CPNE4: variants seen among roughly 807,000 people sequenced by gnomAD.
CPNE4 encodes the protein copine 4, also known as copine-4.
CPNE4 carries 25 observed loss-of-function variants against 67.9 expected under a neutral mutation model. The observed-to-expected ratio is 0.37, with a 90% CI of 0.27 to 0.51. The LOEUF (loss-of-function observed/expected upper bound fraction) is 0.51. Ranked by LOEUF, CPNE4 falls within the 20% of genes least tolerant of loss-of-function variation. CPNE4 has a pLI of 0.93. For missense variants in CPNE4, 464 were observed against 690.8 expected, an observed-to-expected ratio of 0.67 and a Z score of 3.68; for synonymous variants, 242 against 244.9, an observed-to-expected ratio of 0.99 and a Z score of 0.11.
chr3:131,934,103 G>A lies in CPNE4; in HGVS notation c.-1-28659C>T, dbSNP rs183027584. Among the ~76,000 whole-genome samples the A allele has an allele frequency of 5.8e-4, 88 of 152,178 alleles. 1 individual carries two copies. The highest frequency in any genetic ancestry group is 1.8e-3 in the African/African-American group (76 of 41,544). On this transcript the variant is annotated intron_variant, in intron 1 of 15. Coordinates refer to ENST00000429747, the MANE Select transcript of CPNE4 (RefSeq NM_130808.3). ...AGGCACTGCAAAGGAAGAGATTTAG[G>A]GTACAGAGATGGAAATCAAGAGTTC... is the stretch of plus-strand genomic sequence containing the variant.
At chr3:131,705,166 G>A (rs2081387930) in intron 3 of CPNE4, among the ~76,000 whole-genome samples, 1 of 151,750 alleles carries the variant, frequency 6.6e-6, no homozygotes, top group African/African-American at 2.4e-5. Flanking sequence ...TGAGAAGTTT[G>A]GAATCATTGC....
At position 131,808,973 on chromosome 3, in the gene CPNE4, G is replaced by T. The variant is rs539769968; in HGVS notation, c.181-85348C>A. On this transcript the variant is annotated intron_variant, in intron 2 of 15. Coordinates refer to ENST00000429747, the MANE Select transcript of CPNE4 (RefSeq NM_130808.3). Reference sequence around the variant, plus strand: ...GTATCTTTGGTAAAAGTAGCCTGTGGTTTTTCTAATGATACAGAACATCTC... The same window carrying T: ...GTATCTTTGGTAAAAGTAGCCTGTGTTTTTTCTAATGATACAGAACATCTC... 1.1e-3 allele frequency among the ~76,000 whole-genome samples: 173 copies of T among 152,262 alleles called. 3 individuals are homozygous for T. The highest frequency in any genetic ancestry group is 7.4e-5 in the Non-Finnish European group (5 of 67,996).
intron 10 of CPNE4, among the ~76,000 whole-genome samples, chr3:131,573,295 G>C (rs76535092): frequency 0.036 from 5,515 of 152,064 alleles, 297 homozygotes; most frequent in African/African-American, 0.12. Flanking sequence ...AGGTCTATCA[G>C]TTGACACTGG....
intron 2 of CPNE4, among the ~76,000 whole-genome samples, chr3:131,761,915 C>G (rs1347802684): frequency 6.6e-6 from 1 of 152,026 alleles, no homozygotes; most frequent in Non-Finnish European, 1.5e-5. Context: ...AATGAACAAT[C>G]AGGAGGCCTT....
chr3:131,854,110 T>C (rs1324952862), intron 2 of CPNE4, among the ~76,000 whole-genome samples: 1 of 151,900 alleles, frequency 6.6e-6, no homozygotes, highest in Non-Finnish European at 1.5e-5. Flanking sequence ...TTATTCACAA[T>C]AGCTAAAAAC....
chr3:131,705,525 G>A (rs2081395596), intron 3 of CPNE4, among the ~76,000 whole-genome samples: 1 of 152,166 alleles, frequency 6.6e-6, no homozygotes, highest in African/African-American at 2.4e-5. Context: ...AAAAGTTGTA[G>A]AAACTGAGGA....
At chr3:131,776,719 G>A (rs2083299939) in intron 2 of CPNE4, among the ~76,000 whole-genome samples, 1 of 152,070 alleles carries the variant, frequency 6.6e-6, no homozygotes, top group Admixed American at 6.6e-5. Flanking sequence ...CATCAAAAAT[G>A]GGGCTGCCTC....
At chr3:131,591,348 C>A (rs925130063) in intron 7 of CPNE4, among the ~76,000 whole-genome samples, 1 of 152,068 alleles carries the variant, frequency 6.6e-6, no homozygotes, top group Non-Finnish European at 1.5e-5. Flanking sequence ...GTGGGAGCAA[C>A]TTTTTTTTAA....
At chr3:131,910,557 G>C (rs894365058) in intron 1 of CPNE4, among the ~76,000 whole-genome samples, 92 of 152,276 alleles carry the variant, frequency 6.0e-4, no homozygotes, top group Non-Finnish European at 7.4e-5. Flanking sequence ...GATTCCATGG[G>C]GGCTCTGGGA....
rs533003709 is a variant in CPNE4 at position 131,835,327 on chromosome 3, G to A, written c.180+69937C>T. ...GCAGATCAGCTGAGGTCAGGAGTTT[G>A]AGACCATTCTGGCCAACGTGGTGAA... On this transcript the variant is annotated intron_variant, in intron 2 of 15. Coordinates refer to ENST00000429747, the MANE Select transcript of CPNE4 (RefSeq NM_130808.3). 1.1e-3 allele frequency among the ~76,000 whole-genome samples: 169 copies of A among 152,264 alleles called. 3 individuals are homozygous for A. The highest frequency in any genetic ancestry group is 1.5e-3 in the Non-Finnish European group (102 of 68,008).
chr3:131,891,430 T>A (rs917359069), intron 2 of CPNE4, among the ~76,000 whole-genome samples: 3 of 151,242 alleles, frequency 2.0e-5, no homozygotes, highest in Admixed American at 2.0e-4. Flanking sequence ...GTTTTTTTTT[T>A]AAACTTTTGA....
At chr3:131,585,287 G>A (rs1326663992) in intron 8 of CPNE4, among the ~76,000 whole-genome samples, 1 of 152,124 alleles carries the variant, frequency 6.6e-6, no homozygotes, top group Non-Finnish European at 1.5e-5. Context: ...GCTTCAGAAG[G>A]GCAGGGACCA....
chr3:131,601,979 C>A (rs575015148), intron 7 of CPNE4, among the ~76,000 whole-genome samples: 1 of 149,066 alleles, frequency 6.7e-6, no homozygotes, highest in Admixed American at 6.7e-5. Flanking sequence ...TGTTAAAACA[C>A]TAATTTGCAT....
At chr3:131,685,772 C>A in intron 6 of CPNE4, 103 bp downstream of exon 6, 1 of 739,402 alleles carries the variant, frequency 1.4e-6, no homozygotes, top group Non-Finnish European at 2.3e-6. Flanking sequence ...CACAGCGAGA[C>A]TCCACCTCAA....
intron 2 of CPNE4, among the ~76,000 whole-genome samples, chr3:131,880,932 C>T (rs2087650460): frequency 1.3e-5 from 2 of 152,166 alleles, no homozygotes; most frequent in Admixed American, 1.3e-4. Context: ...AGCTTAATTT[C>T]TAGGTTGCAC....
At chr3:131,980,989 T>C (rs2072891778) in intron 1 of CPNE4, among the ~76,000 whole-genome samples, 1 of 152,152 alleles carries the variant, frequency 6.6e-6, no homozygotes, top group Non-Finnish European at 1.5e-5. Flanking sequence ...CCAGCAAGTC[T>C]ACCCAGTTTT....
chr3:131,927,352 T>C (rs1440821449), intron 1 of CPNE4, among the ~76,000 whole-genome samples: 2 of 152,168 alleles, frequency 1.3e-5, no homozygotes, highest in Non-Finnish European at 2.9e-5. Flanking sequence ...GGCACTTTCA[T>C]GATTAAGAGC....
intron 12 of CPNE4, among the ~76,000 whole-genome samples, chr3:131,553,279 T>C (rs1476983551): frequency 6.6e-6 from 1 of 152,122 alleles, no homozygotes; most frequent in East Asian, 1.9e-4. Flanking sequence ...ATTAGGTCAC[T>C]GTGTTAAAAG....
At chr3:131,656,894 T>C (rs1210569832) in intron 7 of CPNE4, among the ~76,000 whole-genome samples, 1 of 152,010 alleles carries the variant, frequency 6.6e-6, no homozygotes, top group African/African-American at 2.4e-5. Flanking sequence ...GGGGAGGCAA[T>C]GGAGAGGGAC....
Sources: gnomAD v4.1 joint callset for allele counts (sites outside exome capture counted in the v4.1 genomes callset) on GRCh38, gnomAD v4.1.1 for gene constraint, MANE v1.5 for transcripts, NCBI Gene and HGNC (gene_info 2026-07-23, HGNC 2026-07-21) for gene names.